The following RUNDC3B variants were observed in gnomAD, a reference collection of about 807,000 sequenced individuals.
RUNDC3B encodes RUN domain containing 3B.
A neutral mutation model predicts 58.4 loss-of-function variants in RUNDC3B; 33 were observed. The observed-to-expected ratio is 0.56, with a 90% CI of 0.43 to 0.75. The LOEUF is 0.75. RUNDC3B is among the 30% of genes least tolerant of loss of function. The probability of loss-of-function intolerance (pLI) is 0.00; values close to 1 mark genes in which losing one functional copy is unlikely to be tolerated. For missense variants in RUNDC3B, 501 were observed against 535.7 expected (o/e 0.94, Z 0.64); for synonymous variants, 193 against 195.2 (o/e 0.99, Z 0.10).
At chr7:87,726,104 C>T (rs1258547301) in intron 4 of RUNDC3B, among the ~76,000 whole-genome samples, 1 of 152,080 alleles carries the variant, frequency 6.6e-6, no homozygotes, top group African/African-American at 2.4e-5. Flanking sequence ...AATTAGATCC[C>T]ATTTGTCAAT....
At chr7:87,629,865 A>G (rs961092611) in intron 1 of RUNDC3B, among the ~76,000 whole-genome samples, 6 of 151,770 alleles carry the variant, frequency 4.0e-5, no homozygotes, top group African/African-American at 1.5e-4. Flanking sequence ...GGCGGTTGCA[A>G]TGAGCTGAGA....
chr7:87,768,243 GA>G (rs1336185091), intron 6 of RUNDC3B, among the ~76,000 whole-genome samples: 3 of 152,206 alleles, frequency 2.0e-5, no homozygotes, highest in African/African-American at 7.2e-5. Flanking sequence ...TCAGGCAGGA[GA>G]GAAGTTGCAA....
intron 4 of RUNDC3B, among the ~76,000 whole-genome samples, chr7:87,725,159 T>A (rs530093417): frequency 6.6e-5 from 10 of 152,304 alleles, no homozygotes; most frequent in African/African-American, 2.2e-4. Flanking sequence ...GTTACATATG[T>A]ATACATGTGG....
rs1398956349 is a variant in RUNDC3B at position 87,830,730 on chromosome 7, G to A, written c.*700G>A. 1 of 151,164 alleles carries A rather than the reference G, an allele frequency of 6.6e-6. No homozygotes were observed. The highest frequency in any genetic ancestry group is 2.4e-5 in the African/African-American group (1 of 41,150). 9.4% of individuals were successfully genotyped at this position (151,164 alleles called of 1,614,324 possible). The stretch of plus-strand genomic sequence containing the variant: ...GCCATTTAGGCAAAATGAATAAACT[G>A]TTTTCCAAGATTTTCTTAAAAGATT... On this transcript the variant is annotated 3_prime_UTR_variant, in exon 11 of 11. Coordinates refer to ENST00000394654, the MANE Select transcript of RUNDC3B (RefSeq NM_001134405.2).
chr7:87,782,726 AAGTTAT>A (rs1471757099), intron 8 of RUNDC3B, among the ~76,000 whole-genome samples: 2 of 151,974 alleles, frequency 1.3e-5, no homozygotes. Context: ...GTTTACTTAA[AAGTTAT>A]TCAGGTGTAA....
chr7:87,638,055 T>G (rs1821981902), intron 1 of RUNDC3B, among the ~76,000 whole-genome samples: 1 of 152,142 alleles, frequency 6.6e-6, no homozygotes, highest in Non-Finnish European at 1.5e-5. Flanking sequence ...ATTATTGTAT[T>G]ATTAAATTTT....
intron 4 of RUNDC3B, among the ~76,000 whole-genome samples, chr7:87,718,657 A>G (rs1375263722): frequency 6.6e-6 from 1 of 152,150 alleles, no homozygotes; most frequent in Non-Finnish European, 1.5e-5. Context: ...AAAATGTATG[A>G]TTTATTCCTG....
intron 9 of RUNDC3B, among the ~76,000 whole-genome samples, chr7:87,812,549 C>T (rs1836783467): frequency 6.6e-6 from 1 of 152,082 alleles, no homozygotes; most frequent in South Asian, 2.1e-4. Flanking sequence ...GCAGAGGTTG[C>T]AGTGAACCAA....
At chr7:87,713,908 T>C (rs1583975016) in intron 4 of RUNDC3B, among the ~76,000 whole-genome samples, 1 of 152,312 alleles carries the variant, frequency 6.6e-6, no homozygotes, top group Non-Finnish European at 1.5e-5. Flanking sequence ...TTGTTTACTT[T>C]GCAATTATAT....
At chr7:87,778,200 G>A (rs1030188707) in intron 8 of RUNDC3B, among the ~76,000 whole-genome samples, 3 of 152,044 alleles carry the variant, frequency 2.0e-5, no homozygotes, top group Non-Finnish European at 1.5e-5. Flanking sequence ...CCCCCCACTG[G>A]GGAGGCTGAG....
intron 6 of RUNDC3B, 34 bp downstream of exon 6, chr7:87,741,613 C>T (rs1411739317): frequency 8.0e-7 from 1 of 1,245,776 alleles, no homozygotes; most frequent in Non-Finnish European, 1.2e-6. Context: ...TTTTTAAAAT[C>T]TTATTTAAAA....
At chr7:87,746,088 T>C (rs1355620092) in intron 6 of RUNDC3B, among the ~76,000 whole-genome samples, 3 of 152,254 alleles carry the variant, frequency 2.0e-5, no homozygotes, top group African/African-American at 7.2e-5. Flanking sequence ...GGTTATTTAA[T>C]TTCCATGTAC....
intron 4 of RUNDC3B, among the ~76,000 whole-genome samples, chr7:87,714,053 A>T (rs748868825): frequency 6.6e-6 from 1 of 152,208 alleles, no homozygotes; most frequent in Non-Finnish European, 1.5e-5. Flanking sequence ...AGAGAGAAAA[A>T]ATGAGTTGAC....
intron 9 of RUNDC3B, among the ~76,000 whole-genome samples, chr7:87,808,468 T>C (rs1836552442): frequency 6.6e-6 from 1 of 152,130 alleles, no homozygotes; most frequent in South Asian, 2.1e-4. Flanking sequence ...TACTCTGTGA[T>C]GTGTTTTGTC....
intron 8 of RUNDC3B, among the ~76,000 whole-genome samples, chr7:87,782,571 T>G (rs1354150858): frequency 6.6e-6 from 1 of 152,132 alleles, no homozygotes; most frequent in Non-Finnish European, 1.5e-5. Context: ...AGAGTGTTGA[T>G]TTAAGATCTT....
chr7:87,816,352 A>G (rs1030379191), intron 10 of RUNDC3B, 90 bp downstream of exon 10: 2 of 890,704 alleles, frequency 2.2e-6, no homozygotes, highest in African/African-American at 3.4e-5. Context: ...TAATAGTGAC[A>G]TCTCTGTTAA....
At chr7:87,781,474 ATTTC>A (rs1834917949) in intron 8 of RUNDC3B, among the ~76,000 whole-genome samples, 1 of 151,834 alleles carries the variant, frequency 6.6e-6, no homozygotes, top group South Asian at 2.1e-4. Flanking sequence ...GATGCTTTTT[ATTTC>A]TTTCTTTTTC....
At chr7:87,794,222 G>A (rs149559618) in intron 8 of RUNDC3B, among the ~76,000 whole-genome samples, 2,111 of 152,228 alleles carry the variant, frequency 0.014, 24 homozygotes, top group Non-Finnish European at 0.022. Flanking sequence ...GGATCACAAG[G>A]TCAAGAGATC....
rs558290951 is a variant in RUNDC3B, at chr7:87,714,946, G to A, written c.458+4291G>A. 2.0e-3 allele frequency among the ~76,000 whole-genome samples: 303 copies of A among 152,036 alleles called. 2 individuals carry two copies. Among genetic ancestry groups the A allele is most frequent in the Admixed American group, 3.9e-3 (59 of 15,246 alleles). On this transcript the variant is annotated intron_variant, in intron 4 of 10. Coordinates refer to ENST00000394654, the MANE Select transcript of RUNDC3B (RefSeq NM_001134405.2). ...ACGTCACGCGCTGTTGGCTCATTCT[G>A]GCAGTCCAACCTGGCATTGTCTTTA...
Sources: allele counts gnomAD v4.1 joint callset (sites outside exome capture counted in the v4.1 genomes callset), GRCh38; gene constraint gnomAD v4.1.1; transcripts MANE v1.5; gene names NCBI Gene and HGNC (gene_info 2026-07-23, HGNC 2026-07-21).